Variants in DUSP16 observed in about 807,000 individuals in gnomAD.
DUSP16 encodes dual specificity phosphatase 16.
Under a neutral mutation model 58.3 loss-of-function variants are expected in DUSP16, and 21 were observed. That is an observed-to-expected ratio of 0.36 (90% CI 0.26 to 0.52). The LOEUF is 0.52. Ranked by LOEUF, DUSP16 falls within the 20% of genes least tolerant of loss-of-function variation. The pLI, the probability that DUSP16 is intolerant of heterozygous loss-of-function variation, is 0.94. For synonymous variants in DUSP16, 320 were observed against 323.8 expected (o/e 0.99, Z 0.12); for missense variants, 726 against 819.0 (o/e 0.89, Z 1.39).
intron 1 of DUSP16, among the ~76,000 whole-genome samples, chr12:12,548,967 G>C (rs1944688628): frequency 6.6e-6 from 1 of 152,050 alleles, no homozygotes; most frequent in Admixed American, 6.6e-5. Context: ...CAGACCCCAA[G>C]CTGAAAAACC....
chr12:12,479,365 G>A (rs957086011), intron 6 of DUSP16, among the ~76,000 whole-genome samples: 3 of 152,078 alleles, frequency 2.0e-5, no homozygotes, highest in African/African-American at 7.2e-5. Context: ...ATAAATGTAG[G>A]GTGCTCATAA....
intron 2 of DUSP16, 23 bp from the exon 3 acceptor site, chr12:12,520,023 G>A (rs777312429): frequency 1.9e-6 from 3 of 1,613,578 alleles, no homozygotes. Flanking sequence ...CATGAGGCTT[G>A]TTAGGAAGAA....
At position 12,477,684 on chromosome 12, in the gene DUSP16, G is replaced by A. The variant is rs538158127; in HGVS notation, c.1147C>T (p.Leu383=). The change falls in exon 7 of 7, where the codon CTG becomes TTG. Residue 383 remains leucine, a synonymous_variant. Transcript: ENST00000298573. The surrounding 1 kb of genome is among the most constrained non-coding windows in gnomAD (Gnocchi z 4.1). ...DSPLVQALSG[L]HLSADRLEDS... is the part of the protein sequence containing the mutation. ...TCCAGCCTGTCTGCGGACAGGTGCA[G>A]CCCACTGAGCGCCTGTACCAGCGGG... The A allele has an allele frequency of 4.3e-6, 7 of 1,613,748 alleles. No individual in the cohort carries two copies. Among genetic ancestry groups the A allele is most frequent in the Non-Finnish European group, 5.9e-6 (7 of 1,179,776 alleles).
At chr12:12,483,755 G>A (rs534106682) in intron 5 of DUSP16, among the ~76,000 whole-genome samples, 2 of 152,172 alleles carry the variant, frequency 1.3e-5, no homozygotes, top group East Asian at 1.9e-4. Context: ...GGCAAACTCT[G>A]TTACTGGCAC....
chr12:12,535,470 C>A (rs981621260), intron 1 of DUSP16, among the ~76,000 whole-genome samples: 1 of 152,062 alleles, frequency 6.6e-6, no homozygotes, highest in Non-Finnish European at 1.5e-5. Flanking sequence ...TTACACAGTA[C>A]TATACTTGGC....
At chr12:12,519,108 A>G (rs1215275221) in intron 3 of DUSP16, among the ~76,000 whole-genome samples, 1 of 152,238 alleles carries the variant, frequency 6.6e-6, no homozygotes, top group African/African-American at 2.4e-5. Flanking sequence ...ATGAGCCCAC[A>G]GGGCAAGGGA....
intron 1 of DUSP16, among the ~76,000 whole-genome samples, chr12:12,536,864 C>G (rs1332649395): frequency 6.6e-6 from 1 of 152,082 alleles, no homozygotes; most frequent in Non-Finnish European, 1.5e-5. Flanking sequence ...ATGGAGAAAC[C>G]CCCATCTCTA....
chr12:12,548,639 AAAAAAAAAG>A (rs1383695340), intron 1 of DUSP16, among the ~76,000 whole-genome samples: 6 of 145,322 alleles, frequency 4.1e-5, no homozygotes, highest in African/African-American at 1.5e-4. Flanking sequence ...TCAAAAAAAA[AAAAAAAAAG>A]AAAAAGAAAA....
At position 12,486,920 on chromosome 12, in the gene DUSP16, C is replaced by A. The variant is rs536612897; in HGVS notation, c.691+108G>T. On this transcript the variant is annotated intron_variant, in intron 5 of 6. Coordinates refer to ENST00000298573, the MANE Select transcript of DUSP16 (RefSeq NM_030640.3). ...CGTGCTGTTTTCAGACTTTTGAAATCTCTGAAATAGGCTCCTTTTCTCTAA... is the reference window on the plus strand; with the variant it reads ...CGTGCTGTTTTCAGACTTTTGAAATATCTGAAATAGGCTCCTTTTCTCTAA... The A allele has an allele frequency of 3.7e-6, 5 of 1,339,672 alleles. No homozygotes were observed. In the South Asian group the frequency reaches 3.9e-5, roughly 11 times the overall value. 83.0% of individuals were successfully genotyped at this position (1,339,672 alleles called of 1,614,324 possible). A position where few individuals can be genotyped will look rare whatever the true frequency, so the allele number is the denominator to read the frequency against.
chr12:12,551,217 T>C lies in DUSP16; in HGVS notation c.-366+10900A>G, dbSNP rs571840783. 1.0e-3 allele frequency among the ~76,000 whole-genome samples: 159 copies of C among 151,980 alleles called. 9 individuals carry two copies. The highest frequency in any genetic ancestry group is 2.6e-4 in the Non-Finnish European group (18 of 67,994). On this transcript the variant is annotated intron_variant, in intron 1 of 6. Transcript: ENST00000298573. ...GTCACTTTAAGAAAAACCGGCAATA[T>C]TGGGCTGCTGGCCGTGGCTCACACC...
chr12:12,482,303 G>A (rs1367956509), intron 5 of DUSP16, among the ~76,000 whole-genome samples: 3 of 152,170 alleles, frequency 2.0e-5, no homozygotes, highest in Non-Finnish European at 4.4e-5. Context: ...AAGGCTGGAA[G>A]GAAATAAAAC....
At position 12,477,244 on chromosome 12, in the gene DUSP16, C is replaced by T. The variant is rs758939939; in HGVS notation, c.1587G>A (p.Thr529=). The change falls in exon 7 of 7, where the codon ACG becomes ACA. Residue 529 remains threonine (T), a synonymous_variant. Transcript: ENST00000298573. This position sits in a 1 kb window ranked among gnomAD's most constrained non-coding sequence, Gnocchi z 4.1. ...CCTTAAGGCCCAGGCCAGCAGACTT[C>T]GTGAGGTGCTGCTGGCTGGTGGAAA... ...FGLSTSQQHL[T]KSAGLGLKGW... The T allele has an allele frequency of 3.1e-6, 5 of 1,614,064 alleles. No homozygotes were observed. Among genetic ancestry groups the T allele is most frequent in the South Asian group, 2.2e-5 (2 of 91,082 alleles).
Position 12,542,871 on chromosome 12 carries a change from C to G in DUSP16, c.-366+19246G>C, listed in dbSNP as rs549623772. On this transcript the variant is annotated intron_variant, in intron 1 of 6. Coordinates refer to ENST00000298573, the MANE Select transcript of DUSP16 (RefSeq NM_030640.3). ...ATTGTGATAGTATCTGAAACTGGGG[C>G]CTTTAGAGGGTAATTAGGTCATGAG... 7.9e-5 allele frequency among the ~76,000 whole-genome samples: 12 copies of G among 152,040 alleles called. No individual in the cohort carries two copies. In the South Asian group the frequency reaches 2.5e-3, roughly 32 times the overall value.
chr12:12,518,551 A>G (rs1313963474), intron 3 of DUSP16, among the ~76,000 whole-genome samples: 1 of 152,084 alleles, frequency 6.6e-6, no homozygotes, highest in East Asian at 1.9e-4. Flanking sequence ...GATCCCATTA[A>G]CAGGATTCCA....
intron 5 of DUSP16, 142 bp downstream of exon 5, chr12:12,486,886 G>A (rs557840777): frequency 1.1e-6 from 1 of 921,552 alleles, no homozygotes; most frequent in African/African-American, 1.7e-5. Flanking sequence ...AGATGAGTAA[G>A]CTGCACCACG....
At chr12:12,509,816 T>A (rs1566007590) in intron 3 of DUSP16, among the ~76,000 whole-genome samples, 1 of 152,180 alleles carries the variant, frequency 6.6e-6, no homozygotes, top group Non-Finnish European at 1.5e-5. Context: ...TTCCGAAGGA[T>A]TTCCTGATTC....
chr12:12,479,192 T>G (rs1298722475), intron 6 of DUSP16, among the ~76,000 whole-genome samples: 2 of 152,106 alleles, frequency 1.3e-5, no homozygotes, highest in African/African-American at 2.4e-5. Flanking sequence ...GACCAATTCT[T>G]CAGCGGCCCC....
chr12:12,497,525 C>T (rs1231227149), intron 4 of DUSP16, among the ~76,000 whole-genome samples: 1 of 152,058 alleles, frequency 6.6e-6, no homozygotes, highest in East Asian at 1.9e-4. Context: ...TGACTTAGCT[C>T]AGGGCAAATG....
At chr12:12,498,751 T>C (rs1036685661) in intron 4 of DUSP16, among the ~76,000 whole-genome samples, 2 of 152,198 alleles carry the variant, frequency 1.3e-5, no homozygotes, top group African/African-American at 4.8e-5. Context: ...TCCAGCTTAA[T>C]AGTTTATTCT....
Sources: allele counts gnomAD v4.1 joint callset (sites outside exome capture counted in the v4.1 genomes callset), GRCh38; gene constraint gnomAD v4.1.1; non-coding constraint Gnocchi (gnomAD v3.1); transcripts MANE v1.5; gene names NCBI Gene and HGNC (gene_info 2026-07-23, HGNC 2026-07-21).